The following PARL variants were observed in gnomAD, a reference collection of about 807,000 sequenced individuals.
PARL encodes the protein presenilin associated rhomboid like, also known as presenilin-associated rhomboid-like protein, mitochondrial.
A neutral mutation model predicts 51.6 loss-of-function variants in PARL; 44 were observed. The ratio of observed to expected loss-of-function variants is 0.85; its 90% CI spans 0.67 to 1.10. PARL has a LOEUF of 1.10. Ranked by LOEUF, PARL falls within the 50% of genes least tolerant of loss-of-function variation. The pLI is 0.00. For missense variants in PARL, 441 were observed against 469.5 expected (o/e 0.94, Z 0.56); for synonymous variants, 172 against 164.0 (o/e 1.05, Z -0.37).
At chr3:183,871,689 T>C (rs1413467949) in intron 1 of PARL, among the ~76,000 whole-genome samples, 1 of 152,178 alleles carries the variant, frequency 6.6e-6, no homozygotes, top group Non-Finnish European at 1.5e-5. Context: ...CCTGTAGTGA[T>C]AAATATTAGA....
At chr3:183,841,708 C>T (rs986014312) in intron 6 of PARL, among the ~76,000 whole-genome samples, 2 of 152,104 alleles carry the variant, frequency 1.3e-5, no homozygotes, top group Non-Finnish European at 2.9e-5. Flanking sequence ...ATCTAGGGAC[C>T]TGGATTCATG....
chr3:183,837,931 G>A (rs1955648512), intron 7 of PARL, among the ~76,000 whole-genome samples: 1 of 151,982 alleles, frequency 6.6e-6, no homozygotes, highest in South Asian at 2.1e-4. Context: ...TGGCAACATA[G>A]GGAGACCCTG....
chr3:183,870,501 C>T (rs1382080775), intron 1 of PARL, among the ~76,000 whole-genome samples: 7 of 151,904 alleles, frequency 4.6e-5, no homozygotes, highest in Non-Finnish European at 1.5e-5. Flanking sequence ...CTCAAATGTC[C>T]TCTCAGAGGG....
chr3:183,863,031 C>T (rs1229964577), intron 3 of PARL, among the ~76,000 whole-genome samples: 1 of 152,134 alleles, frequency 6.6e-6, no homozygotes, highest in East Asian at 1.9e-4. Context: ...GAACCTCAGA[C>T]AATTATTTCT....
chr3:183,860,325 T>C (rs1731668572), intron 4 of PARL, among the ~76,000 whole-genome samples: 1 of 152,222 alleles, frequency 6.6e-6, no homozygotes, highest in South Asian at 2.1e-4. Flanking sequence ...TTACAGACAT[T>C]GTAAAGCTAG....
intron 1 of PARL, among the ~76,000 whole-genome samples, chr3:183,873,632 A>G (rs1336905925): frequency 6.6e-6 from 1 of 152,146 alleles, no homozygotes; most frequent in Non-Finnish European, 1.5e-5. Flanking sequence ...CATGTACTGG[A>G]CTGAGAAATA....
At chr3:183,875,750 C>G (rs925945924) in intron 1 of PARL, among the ~76,000 whole-genome samples, 1 of 152,198 alleles carries the variant, frequency 6.6e-6, no homozygotes, top group African/African-American at 2.4e-5. Flanking sequence ...CTACACTAAA[C>G]AGATTTGCAA....
chr3:183,835,166 A>AT (rs1489357146), intron 7 of PARL, among the ~76,000 whole-genome samples: 1 of 151,436 alleles, frequency 6.6e-6, no homozygotes, highest in Non-Finnish European at 1.5e-5. Context: ...ATGTTTAAAA[A>AT]AAAAAAAAAG....
intron 1 of PARL, among the ~76,000 whole-genome samples, chr3:183,875,415 C>CAAAAAA (rs61316689): frequency 1.7e-5 from 1 of 60,126 alleles, no homozygotes; most frequent in Non-Finnish European, 2.9e-5. Flanking sequence ...ACTCTGTCTC[C>CAAAAAA]AAAAAAAAAA....
At chr3:183,837,858 T>A (rs970736422) in intron 7 of PARL, among the ~76,000 whole-genome samples, 13 of 151,906 alleles carry the variant, frequency 8.6e-5, no homozygotes, top group Non-Finnish European at 1.5e-4. Context: ...ACACCAGTAA[T>A]CCCAACACTT....
rs1285458052 is a variant in PARL, at chr3:183,882,241, ATATT to A, written c.125+2477_125+2480del. Among the ~76,000 whole-genome samples, 5 of 22,920 alleles carry A rather than the reference ATATT, an allele frequency of 2.2e-4. 1 individual carries two copies. Among genetic ancestry groups the A allele is most frequent in the Admixed American group, 5.4e-4 (1 of 1,866 alleles). The allele number at this position is 22,920 out of a possible 152,430, so 15.0% of individuals were successfully genotyped here. A position where few individuals can be genotyped will look rare whatever the true frequency, so the allele number is the denominator to read the frequency against. On this transcript the variant is annotated intron_variant, in intron 1 of 9. Transcript: ENST00000317096. ...AAAAAAAATATATATATATATATAT[ATATT>A]TATATATATATATATATATATATTT...
intron 1 of PARL, among the ~76,000 whole-genome samples, chr3:183,879,258 G>A (rs56246008): frequency 6.6e-6 from 1 of 152,258 alleles, no homozygotes; most frequent in Non-Finnish European, 1.5e-5. Context: ...CCCATTCCTT[G>A]GCAACTTCAA....
At chr3:183,855,176 T>A (rs894730989) in intron 4 of PARL, among the ~76,000 whole-genome samples, 2 of 152,100 alleles carry the variant, frequency 1.3e-5, no homozygotes, top group African/African-American at 2.4e-5. Flanking sequence ...GAGTGACTGC[T>A]AACGGGAATG....
At chr3:183,843,741 G>C (rs191054180) in intron 5 of PARL, among the ~76,000 whole-genome samples, 16 of 152,272 alleles carry the variant, frequency 1.1e-4, no homozygotes, top group Admixed American at 3.9e-4. Context: ...TGAGGCAGGA[G>C]AATGGCATGA....
At chr3:183,869,597 G>A (rs1209789527) in intron 1 of PARL, among the ~76,000 whole-genome samples, 2 of 151,714 alleles carry the variant, frequency 1.3e-5, no homozygotes, top group Non-Finnish European at 2.9e-5. Flanking sequence ...TATGTTCAAA[G>A]ATATTATATA....
intron 4 of PARL, among the ~76,000 whole-genome samples, chr3:183,856,941 G>C (rs1262478098): frequency 6.6e-6 from 1 of 152,162 alleles, no homozygotes; most frequent in Admixed American, 6.5e-5. Context: ...AAGGTACAGA[G>C]ATCTATATAT....
At chr3:183,866,535 T>G in intron 3 of PARL, 90 bp downstream of exon 3, 3 of 993,518 alleles carry the variant, frequency 3.0e-6, no homozygotes, top group Non-Finnish European at 3.2e-6. Context: ...TGTGAATGCA[T>G]CATGTACACT....
chr3:183,879,703 T>C (rs1734216129), intron 1 of PARL: 1 of 976,328 alleles, frequency 1.0e-6, no homozygotes, highest in Non-Finnish European at 1.2e-6. Context: ...TTTAATGAGC[T>C]TTCATTTTAA....
Position 183,866,893 on chromosome 3 carries a change from A to C in PARL, c.322-128T>G, listed in dbSNP as rs1732547543. 21 of 718,950 alleles carry C rather than the reference A, an allele frequency of 2.9e-5. No individual in the cohort carries two copies. In the Admixed American group the frequency reaches 4.9e-4, roughly 17 times the overall value. The allele number at this position is 718,950 out of a possible 1,614,324, so 44.5% of individuals were successfully genotyped here. On this transcript the variant is annotated intron_variant, in intron 2 of 9. Coordinates refer to ENST00000317096, the MANE Select transcript of PARL (RefSeq NM_018622.7). Reference sequence around the variant, plus strand: ...ACAGAAGGGAATACTTGGCACAGTGAAACCTAATAAGTGAAAAGGGCTTTT... The same window carrying C: ...ACAGAAGGGAATACTTGGCACAGTGCAACCTAATAAGTGAAAAGGGCTTTT...
Sources: allele counts gnomAD v4.1 joint callset (sites outside exome capture counted in the v4.1 genomes callset), GRCh38; gene constraint gnomAD v4.1.1; transcripts MANE v1.5; gene names NCBI Gene and HGNC (gene_info 2026-07-23, HGNC 2026-07-21).